SH2D4A: variants seen among roughly 807,000 people sequenced by gnomAD.
SH2D4A encodes the protein SH2 domain containing 4A, also known as SH2 domain-containing protein 4A.
SH2D4A carries 70 observed loss-of-function variants against 64.7 expected under a neutral mutation model. That is an observed-to-expected ratio of 1.08 (90% CI 0.89 to 1.32). The LOEUF (loss-of-function observed/expected upper bound fraction) is 1.32. Among genes scored for constraint, SH2D4A ranks in the 40% most tolerant of loss-of-function variants. The pLI, the probability that SH2D4A is intolerant of heterozygous loss-of-function variation, is 0.00. For missense variants in SH2D4A, 706 were observed against 540.1 expected (o/e 1.31, Z -3.04); for synonymous variants, 268 against 200.7 (o/e 1.34, Z -2.83).
intron 4 of SH2D4A, among the ~76,000 whole-genome samples, chr8:19,344,220 G>T (rs1279473332): frequency 6.6e-6 from 1 of 152,062 alleles, no homozygotes; most frequent in Non-Finnish European, 1.5e-5. Flanking sequence ...TCTGATTAGG[G>T]TCTTAAGAGG....
At chr8:19,371,531 A>G (rs2053095839) in intron 7 of SH2D4A, among the ~76,000 whole-genome samples, 1 of 152,076 alleles carries the variant, frequency 6.6e-6, no homozygotes, top group African/African-American at 2.4e-5. Flanking sequence ...GTTTGATTAT[A>G]ATATGTCTTG....
chr8:19,379,956 A>C (rs559184565), intron 8 of SH2D4A, among the ~76,000 whole-genome samples: 2 of 152,106 alleles, frequency 1.3e-5, no homozygotes, highest in East Asian at 3.9e-4. Context: ...GGCTGGTCTC[A>C]AATTCCTGGC....
intron 4 of SH2D4A, 70 bp downstream of exon 4, chr8:19,334,927 G>A (rs765729214): frequency 1.5e-5 from 22 of 1,477,196 alleles, no homozygotes; most frequent in Non-Finnish European, 1.9e-5. Context: ...AGGCCACAGA[G>A]ACTACTGTGG....
At chr8:19,318,285 A>G (rs763031952) in intron 1 of SH2D4A, among the ~76,000 whole-genome samples, 2 of 150,976 alleles carry the variant, frequency 1.3e-5, no homozygotes, top group African/African-American at 2.5e-5. Context: ...CATCGAATCC[A>G]AAGTCTTTTG....
At chr8:19,376,975 CA>C (rs2053206036) in intron 8 of SH2D4A, among the ~76,000 whole-genome samples, 1 of 152,206 alleles carries the variant, frequency 6.6e-6, no homozygotes, top group East Asian at 1.9e-4. Flanking sequence ...ATTTTAAACA[CA>C]AAGTACCAAG....
At chr8:19,364,978 T>A (rs2052967721) in intron 7 of SH2D4A, among the ~76,000 whole-genome samples, 1 of 152,202 alleles carries the variant, frequency 6.6e-6, no homozygotes, top group Non-Finnish European at 1.5e-5. Flanking sequence ...ATTCTAAATT[T>A]TTTTCTGGTT....
intron 2 of SH2D4A, among the ~76,000 whole-genome samples, chr8:19,323,405 G>A (rs1308462380): frequency 6.8e-6 from 1 of 146,760 alleles, no homozygotes; most frequent in African/African-American, 2.5e-5. Flanking sequence ...TTGAGACAGA[G>A]TCTCTTGCTC....
chr8:19,340,556 G>A (rs1338984626), intron 4 of SH2D4A, among the ~76,000 whole-genome samples: 1 of 151,352 alleles, frequency 6.6e-6, no homozygotes, highest in Non-Finnish European at 1.5e-5. Flanking sequence ...TGCAGAAGTG[G>A]TAGTGGTGGA....
rs552752988 is a variant in SH2D4A, at chr8:19,331,601, C to G, written c.182-1354C>G. On this transcript the variant is annotated intron_variant, in intron 2 of 9. Transcript: ENST00000265807. ...TTATTTAAGTAGCTTCACCAAGTATCATACTACCTGGTTATATTATCTTCT... is the reference window on the plus strand; with the variant it reads ...TTATTTAAGTAGCTTCACCAAGTATGATACTACCTGGTTATATTATCTTCT... Among the ~76,000 whole-genome samples the G allele has an allele frequency of 2.0e-5, 3 of 152,340 alleles. No individual in the cohort carries two copies. The East Asian group carries it at 5.8e-4, about 29-fold the overall frequency.
rs146878038 is a variant in SH2D4A at position 19,370,690 on chromosome 8, C to A, written c.918-2840C>A. Among the ~76,000 whole-genome samples, 301 of 152,166 alleles carry A rather than the reference C, an allele frequency of 2.0e-3. 1 individual carries two copies. The highest frequency in any genetic ancestry group is 7.1e-3 in the African/African-American group (294 of 41,546). On this transcript the variant is annotated intron_variant, in intron 7 of 9. Coordinates refer to ENST00000265807, the MANE Select transcript of SH2D4A (RefSeq NM_022071.4). ...TTGGTATTGTTTCATTTTTATTTAG[C>A]CACTCTATGCCTTTTAATTGGAGAA...
chr8:19,373,811 C>G, intron 8 of SH2D4A, 151 bp downstream of exon 8: 1 of 1,057,624 alleles, frequency 9.5e-7, no homozygotes, highest in Non-Finnish European at 1.3e-6. Context: ...TTCAAAGACG[C>G]CTCAGTAAGC....
intron 2 of SH2D4A, among the ~76,000 whole-genome samples, chr8:19,324,500 A>G (rs1354360287): frequency 6.6e-6 from 1 of 152,140 alleles, no homozygotes; most frequent in Admixed American, 6.5e-5. Context: ...CAGTAGGGCT[A>G]TCAGCACAGG....
intron 8 of SH2D4A, among the ~76,000 whole-genome samples, chr8:19,382,014 C>G (rs1234532712): frequency 6.6e-6 from 1 of 152,014 alleles, no homozygotes; most frequent in Non-Finnish European, 1.5e-5. Flanking sequence ...TGTTGATATG[C>G]TGCTGGATTA....
chr8:19,333,975 G>C (rs865942961), intron 3 of SH2D4A, among the ~76,000 whole-genome samples: 7 of 152,134 alleles, frequency 4.6e-5, no homozygotes, highest in Non-Finnish European at 8.8e-5. Flanking sequence ...TTAGGAGTTT[G>C]GAACTTATTC....
chr8:19,361,238 A>C lies in SH2D4A; in HGVS notation c.630A>C (p.Glu210Asp). Reference protein sequence around the residue: ...KESMKKKQDEEINQIEEERTK... With the variant: ...KESMKKKQDEDINQIEEERTK... ...CTATGAAGAAAAAACAAGATGAAGA[A>C]ATAAATCAAATAGAAGAAGAGAGAA... The change falls in exon 6 of 10, where the codon GAA (glutamate) becomes GAC (aspartate). Residue 210 changes from glutamate (E) to aspartate (D), a missense_variant. By Grantham distance (45) the Glu-to-Asp change is conservative. Transcript: ENST00000265807. 6.3e-7 allele frequency: 1 copy of C among 1,588,890 alleles called. No homozygotes were observed. The highest frequency in any genetic ancestry group is 8.6e-7 in the Non-Finnish European group (1 of 1,161,208).
chr8:19,316,886 GT>G (rs1328220328), intron 1 of SH2D4A, among the ~76,000 whole-genome samples: 1 of 152,206 alleles, frequency 6.6e-6, no homozygotes, highest in African/African-American at 2.4e-5. Context: ...AAGGGTTATT[GT>G]GAAGATTAAG....
chr8:19,379,605 A>G (rs1379848137), intron 8 of SH2D4A, among the ~76,000 whole-genome samples: 1 of 152,232 alleles, frequency 6.6e-6, no homozygotes. Context: ...ACTGTTTTCC[A>G]TAGTGGCTAT....
chr8:19,331,171 G>T (rs1359863709), intron 2 of SH2D4A, among the ~76,000 whole-genome samples: 3 of 152,208 alleles, frequency 2.0e-5, no homozygotes, highest in Non-Finnish European at 2.9e-5. Flanking sequence ...CACGAGCCTG[G>T]CTTTGAGCAG....
At chr8:19,323,089 A>G (rs1238378608) in intron 2 of SH2D4A, among the ~76,000 whole-genome samples, 1 of 152,074 alleles carries the variant, frequency 6.6e-6, no homozygotes, top group Non-Finnish European at 1.5e-5. Flanking sequence ...TAGTGGGAGA[A>G]TGTGATACTT....
Sources: gnomAD v4.1 joint callset for allele counts (sites outside exome capture counted in the v4.1 genomes callset) on GRCh38, gnomAD v4.1.1 for gene constraint, MANE v1.5 for transcripts, NCBI Gene and HGNC (gene_info 2026-07-23, HGNC 2026-07-21) for gene names.